DNAH10: variants seen among roughly 807,000 people sequenced by gnomAD.
The protein encoded by DNAH10 is dynein axonemal heavy chain 10.
Under a neutral mutation model 506.6 loss-of-function variants are expected in DNAH10, and 348 were observed. The observed-to-expected ratio is 0.69, with a 90% CI of 0.63 to 0.75. The LOEUF is 0.75. DNAH10 is among the 30% of genes least tolerant of loss of function. The pLI is 0.00. For missense variants in DNAH10, 5,179 were observed against 5,787.1 expected, an observed-to-expected ratio of 0.89 and a Z score of 3.41; for synonymous variants, 2,059 against 2,198.6, an observed-to-expected ratio of 0.94 and a Z score of 1.78.
At chr12:123,796,391 A>G (rs991767296) in intron 12 of DNAH10, among the ~76,000 whole-genome samples, 5 of 152,168 alleles carry the variant, frequency 3.3e-5, no homozygotes, top group African/African-American at 1.2e-4. Flanking sequence ...TGGGAGGCGG[A>G]GTTTTCAGTG....
chr12:123,917,545 G>A lies in DNAH10; in HGVS notation c.11003-39G>A. 6.5e-7 allele frequency: 1 copy of A among 1,539,218 alleles called. No homozygotes were observed. Among genetic ancestry groups the A allele is most frequent in the South Asian group, 1.2e-5 (1 of 83,658 alleles). On this transcript the variant is annotated intron_variant, in intron 63 of 78. Coordinates refer to ENST00000673944, the MANE Select transcript of DNAH10 (RefSeq NM_001372106.1). The surrounding 1 kb of genome is among the most constrained non-coding windows in gnomAD (Gnocchi z 5.6). Reference sequence around the variant, plus strand: ...GGGCAGCGGGAGAGACTGTTGTTGGGGGCCGCAGGTGGTGAGGGCCTCTCA... The same window carrying A: ...GGGCAGCGGGAGAGACTGTTGTTGGAGGCCGCAGGTGGTGAGGGCCTCTCA...
chr12:123,927,064 A>C, intron 69 of DNAH10: 1 of 513,856 alleles, frequency 1.9e-6, no homozygotes, highest in Non-Finnish European at 3.4e-6. Flanking sequence ...TCTTTTTGAG[A>C]CAGGGTCTCA....
chr12:123,829,698 A>G (rs1332407432), intron 25 of DNAH10, among the ~76,000 whole-genome samples: 1 of 151,380 alleles, frequency 6.6e-6, no homozygotes, highest in Non-Finnish European at 1.5e-5. Flanking sequence ...CTTTCTGACC[A>G]TTTCCATGGC....
At chr12:123,806,868 C>T (rs1191690397) in intron 18 of DNAH10, among the ~76,000 whole-genome samples, 1 of 151,454 alleles carries the variant, frequency 6.6e-6, no homozygotes, top group African/African-American at 2.4e-5. Flanking sequence ...TCTGGGTTCA[C>T]ACCATTCTCC....
chr12:123,893,306 G>A lies in DNAH10; in HGVS notation c.9069G>A (p.Lys3023=), dbSNP rs1236983468. 6.2e-7 allele frequency: 1 copy of A among 1,613,962 alleles called. No homozygotes were observed. Among genetic ancestry groups the A allele is most frequent in the Non-Finnish European group, 8.5e-7 (1 of 1,179,914 alleles). Reference sequence around the variant, plus strand: ...GTCAGATTGGACAGGAAGCTCTGAAGCAAGGCATGGGGCCGGCCAAGGAGT... The same window carrying A: ...GTCAGATTGGACAGGAAGCTCTGAAACAAGGCATGGGGCCGGCCAAGGAGT... The part of the protein sequence containing the change: ...ILSQIGQEAL[K]QGMGPAKESV... Residue 3023 remains lysine, a synonymous_variant, in exon 53 of 79, where the codon AAG becomes AAA. Transcript: ENST00000673944.
At chr12:123,864,028 G>A (rs758981672) in intron 39 of DNAH10, among the ~76,000 whole-genome samples, 4 of 152,180 alleles carry the variant, frequency 2.6e-5, no homozygotes, top group African/African-American at 2.4e-5. Context: ...TTCCCACGAA[G>A]GAATCCAGGT....
rs561561473 is a variant in DNAH10 at position 123,904,326 on chromosome 12, C to T, written c.9815+1213C>T. Among the ~76,000 whole-genome samples the T allele has an allele frequency of 1.6e-4, 25 of 152,146 alleles. 1 individual carries two copies. The South Asian group carries it at 3.5e-3, about 22-fold the overall frequency. On this transcript the variant is annotated intron_variant, in intron 57 of 78. Coordinates refer to ENST00000673944, the MANE Select transcript of DNAH10 (RefSeq NM_001372106.1). ...GGACACAGTGGAAGTGCACACCCAG[C>T]GGAGGGGTAGGAGACACGGTCAGCA...
rs769954834 is a variant in DNAH10, at chr12:123,928,263, C to T, written c.12106-124C>T. ...GCTCCACCTGTAGCTCCTGGATCCT[C>T]GGCTTGCTTTTGGCTTCTGCTGGAG... On this transcript the variant is annotated intron_variant, in intron 69 of 78. Coordinates refer to ENST00000673944, the MANE Select transcript of DNAH10 (RefSeq NM_001372106.1). This position sits in a 1 kb window ranked among gnomAD's most constrained non-coding sequence, Gnocchi z 4.9. The T allele has an allele frequency of 3.9e-5, 43 of 1,090,836 alleles. No individual in the cohort carries two copies. The highest frequency in any genetic ancestry group is 5.2e-5 in the East Asian group (2 of 38,706). The allele number at this position is 1,090,836 out of a possible 1,614,324, so 67.6% of individuals were successfully genotyped here. A position where few individuals can be genotyped will look rare whatever the true frequency, so the allele number is the denominator to read the frequency against.
At position 123,762,647 on chromosome 12, in the gene DNAH10, C is replaced by T. The variant is rs1956870793; in HGVS notation, c.214+97C>T. The T allele has an allele frequency of 7.6e-7, 1 of 1,314,990 alleles. No homozygotes were observed. 81.5% of individuals were successfully genotyped at this position (1,314,990 alleles called of 1,614,324 possible). ...GGGCTGCTAGAGCCTGCCCATCGTCCGGCCCCGGCCTCAGGTGCTGTCCAC... is the reference window on the plus strand; with the variant it reads ...GGGCTGCTAGAGCCTGCCCATCGTCTGGCCCCGGCCTCAGGTGCTGTCCAC... On this transcript the variant is annotated intron_variant, in intron 1 of 78. Transcript: ENST00000673944. This position sits in a 1 kb window ranked among gnomAD's most constrained non-coding sequence, Gnocchi z 5.0.
At chr12:123,816,779 C>T (rs965277617) in intron 21 of DNAH10, among the ~76,000 whole-genome samples, 9 of 152,300 alleles carry the variant, frequency 5.9e-5, no homozygotes, top group East Asian at 1.9e-4. Flanking sequence ...ATGGGACTTA[C>T]GCCTGCATTT....
chr12:123,877,729 T>G lies in DNAH10; in HGVS notation c.8200-7T>G. The stretch of plus-strand genomic sequence containing the variant: ...TGTGTTGGGGGGGGTGTCTTTGCAT[T>G]TTTCAGACGTTTCATGAGAGCATTG... On this transcript the variant is annotated splice_polypyrimidine_tract_variant and splice_region_variant and intron_variant, in intron 47 of 78. Coordinates refer to ENST00000673944, the MANE Select transcript of DNAH10 (RefSeq NM_001372106.1). The G allele has an allele frequency of 6.2e-7, 1 of 1,608,304 alleles. No homozygotes were observed. The highest frequency in any genetic ancestry group is 8.5e-7 in the Non-Finnish European group (1 of 1,177,366).
chr12:123,934,856 T>C, intron 78 of DNAH10, 90 bp downstream of exon 78: 1 of 1,521,352 alleles, frequency 6.6e-7, no homozygotes, highest in Non-Finnish European at 8.9e-7. Context: ...AGTCCTACTT[T>C]TTAAAACAGG....
Position 123,800,215 on chromosome 12 carries a change from G to A in DNAH10, c.2290-1G>A, listed in dbSNP as rs768893348. ...GCGCTGATGGAATGTCTCTTCCACA[G>A]TCTTCCATCGCCACAGAGGAGCCTT... On this transcript the variant is annotated splice_acceptor_variant, in intron 14 of 78. Coordinates refer to ENST00000673944, the MANE Select transcript of DNAH10 (RefSeq NM_001372106.1). LOFTEE classifies it high-confidence loss of function. 7 of 1,613,266 alleles carry A rather than the reference G, an allele frequency of 4.3e-6. No homozygotes were observed. The highest frequency in any genetic ancestry group is 1.6e-4 in the Middle Eastern group (1 of 6,062).
Position 123,867,922 on chromosome 12 carries a change from T to C in DNAH10, c.7322T>C (p.Met2441Thr), listed in dbSNP as rs1284800028. 1.2e-6 allele frequency: 2 copies of C among 1,613,486 alleles called. No homozygotes were observed. The highest frequency in any genetic ancestry group is 1.1e-5 in the South Asian group (1 of 90,972). ...AACCAGGTAACCCAGTTAGCCAAGA[T>C]GTTGGATGCGTTGCTAGAAGGAGAA... is the stretch of plus-strand genomic sequence containing the variant. ...DLNMVTQLAKMLDALLEGEIE... is the reference protein window; with the variant it reads ...DLNMVTQLAKTLDALLEGEIE... Residue 2441 changes from methionine to threonine, a missense_variant, in exon 43 of 79, where the codon ATG becomes ACG. Physicochemically the swap from Met to Thr is moderately conservative, Grantham distance 81. Transcript: ENST00000673944.
At position 123,916,818 on chromosome 12, in the gene DNAH10, A is replaced by T. The variant is rs566315824; in HGVS notation, c.11002+82A>T. On this transcript the variant is annotated intron_variant, in intron 63 of 78. Transcript: ENST00000673944. This position sits in a 1 kb window ranked among gnomAD's most constrained non-coding sequence, Gnocchi z 4.6. ...CCTCAGATCAAGGCATTCATGGGAC[A>T]TCATTTCACTCAGTGACCCCAGATC... 2.4e-5 allele frequency: 36 copies of T among 1,483,396 alleles called. No individual in the cohort carries two copies. In the South Asian group the frequency reaches 4.9e-4, roughly 20 times the overall value. 91.9% of individuals were successfully genotyped at this position (1,483,396 alleles called of 1,614,324 possible). A position where few individuals can be genotyped will look rare whatever the true frequency, so the allele number is the denominator to read the frequency against.
At chr12:123,778,706 GA>G (rs949741733) in intron 5 of DNAH10, among the ~76,000 whole-genome samples, 17 of 151,038 alleles carry the variant, frequency 1.1e-4, no homozygotes, top group African/African-American at 2.4e-4. Flanking sequence ...AAAAAAAAAA[GA>G]AAAAAAATAT....
rs141266824 is a variant in DNAH10, at chr12:123,870,379, C to G, written c.7533C>G (p.Thr2511=). 1.9e-6 allele frequency: 3 copies of G among 1,613,652 alleles called. No homozygotes were observed. In the African/African-American group the frequency reaches 4.0e-5, roughly 22 times the overall value. The change falls in exon 44 of 79, where the codon ACC becomes ACG. Residue 2511 remains threonine, a synonymous_variant. Transcript: ENST00000673944. ...GATTTCCTGCAGGTCAACTTCCAAC[C>G]TTGTATGACTTTCATTTTGATAACA... is the stretch of plus-strand genomic sequence containing the variant. ...NPGELPGQLP[T]LYDFHFDNKR... is the part of the protein sequence containing the mutation.
intron 36 of DNAH10, among the ~76,000 whole-genome samples, chr12:123,856,801 T>C (rs1951410290): frequency 6.8e-6 from 1 of 147,788 alleles, no homozygotes; most frequent in Non-Finnish European, 1.5e-5. Context: ...TATAAAAATA[T>C]ATAATACATA....
At chr12:123,904,091 T>C (rs1013469668) in intron 57 of DNAH10, among the ~76,000 whole-genome samples, 1 of 152,216 alleles carries the variant, frequency 6.6e-6, no homozygotes, top group Non-Finnish European at 1.5e-5. Context: ...TGTTTTCTTA[T>C]TGGTGAAACA....
Sources: gnomAD v4.1 joint callset for allele counts (sites outside exome capture counted in the v4.1 genomes callset) on GRCh38, gnomAD v4.1.1 for gene constraint, Gnocchi (gnomAD v3.1) non-coding constraint, MANE v1.5 for transcripts, NCBI Gene and HGNC (gene_info 2026-07-23, HGNC 2026-07-21) for gene names.